The following MLIP variants were observed in gnomAD, a reference collection of about 807,000 sequenced individuals.
MLIP encodes muscular LMNA interacting protein.
MLIP carries 79 observed loss-of-function variants against 84.8 expected under a neutral mutation model. The ratio of observed to expected loss-of-function variants is 0.93; its 90% CI spans 0.78 to 1.12. MLIP has a LOEUF of 1.12. Among genes scored for constraint, MLIP ranks in the 50% most tolerant of loss-of-function variants. MLIP has a pLI of 0.00. For synonymous variants in MLIP, 504 were observed against 463.0 expected (o/e 1.09, Z -1.14); for missense variants, 1,257 against 1,160.6 (o/e 1.08, Z -1.21).
At chr6:54,166,422 T>G (rs984559029) in intron 8 of MLIP, among the ~76,000 whole-genome samples, 1 of 151,898 alleles carries the variant, frequency 6.6e-6, no homozygotes, top group Non-Finnish European at 1.5e-5. Context: ...AAACCCCTTT[T>G]TCCAAGGTTC....
intron 1 of MLIP, among the ~76,000 whole-genome samples, chr6:54,121,080 C>T (rs751204710): frequency 7.2e-5 from 11 of 152,084 alleles, no homozygotes; most frequent in Non-Finnish European, 1.3e-4. Flanking sequence ...AACCGGCTAA[C>T]CCAGGGTTAG....
intron 1 of MLIP, among the ~76,000 whole-genome samples, chr6:54,081,076 T>C (rs898702997): frequency 3.9e-5 from 6 of 152,150 alleles, no homozygotes; most frequent in African/African-American, 9.7e-5. Flanking sequence ...TTTTATTTTA[T>C]TGTTGTATTT....
intron 11 of MLIP, among the ~76,000 whole-genome samples, chr6:54,206,814 A>C (rs1305779768): frequency 6.6e-6 from 1 of 152,164 alleles, no homozygotes; most frequent in African/African-American, 2.4e-5. Context: ...CAGGATAAAT[A>C]CCTTTGTCGT....
At chr6:54,256,420 G>C (rs1254595186) in intron 12 of MLIP, among the ~76,000 whole-genome samples, 1 of 152,130 alleles carries the variant, frequency 6.6e-6, no homozygotes, top group African/African-American at 2.4e-5. Flanking sequence ...GAAAGTGAAA[G>C]GGGTCCAATC....
chr6:54,252,183 A>G lies in MLIP; in HGVS notation c.2923-5125A>G, dbSNP rs1452918083. Among the ~76,000 whole-genome samples, 10 of 109,084 alleles carry G rather than the reference A, an allele frequency of 9.2e-5. 1 individual carries two copies. Among genetic ancestry groups the G allele is most frequent in the African/African-American group, 3.5e-4 (9 of 26,036 alleles). The allele number at this position is 109,084 out of a possible 152,430, so 71.6% of individuals were successfully genotyped here. ...ATATATAACTATATTATAACATAATATATAACTATAATATATTATAACATA... is the reference window on the plus strand; with the variant it reads ...ATATATAACTATATTATAACATAATGTATAACTATAATATATTATAACATA... On this transcript the variant is annotated intron_variant, in intron 12 of 13. Coordinates refer to ENST00000502396, the MANE Select transcript of MLIP (RefSeq NM_001281747.2).
intron 1 of MLIP, among the ~76,000 whole-genome samples, chr6:54,101,778 A>G (rs977430960): frequency 2.6e-5 from 4 of 152,190 alleles, no homozygotes; most frequent in African/African-American, 9.6e-5. Context: ...CACTCATGCT[A>G]GTGACAATAT....
At chr6:54,060,410 C>A (rs918775690) in intron 1 of MLIP, among the ~76,000 whole-genome samples, 3 of 152,142 alleles carry the variant, frequency 2.0e-5, no homozygotes, top group South Asian at 2.1e-4. Flanking sequence ...TTCACTGTTA[C>A]AACCAGCATT....
intron 3 of MLIP, among the ~76,000 whole-genome samples, chr6:54,130,077 T>C (rs562857817): frequency 6.6e-6 from 1 of 152,248 alleles, no homozygotes; most frequent in South Asian, 2.1e-4. Flanking sequence ...TTACCTTTCA[T>C]AGTGAATGAG....
At chr6:54,132,038 G>A (rs1247448601) in intron 3 of MLIP, among the ~76,000 whole-genome samples, 7 of 152,128 alleles carry the variant, frequency 4.6e-5, no homozygotes, top group South Asian at 2.1e-4. Context: ...TTATGGCAAT[G>A]TTCTGCACGT....
intron 9 of MLIP, among the ~76,000 whole-genome samples, chr6:54,173,170 C>T (rs1216691713): frequency 6.6e-6 from 1 of 151,528 alleles, no homozygotes; most frequent in Non-Finnish European, 1.5e-5. Context: ...TTAAAATCTC[C>T]ATTATACAGA....
At chr6:54,101,926 T>A (rs1768681063) in intron 1 of MLIP, among the ~76,000 whole-genome samples, 1 of 152,160 alleles carries the variant, frequency 6.6e-6, no homozygotes, top group Non-Finnish European at 1.5e-5. Flanking sequence ...ATTTTGAGAA[T>A]GGATACTGGA....
intron 12 of MLIP, among the ~76,000 whole-genome samples, chr6:54,250,472 A>G (rs953878109): frequency 1.3e-5 from 2 of 152,132 alleles, no homozygotes; most frequent in African/African-American, 2.4e-5. Context: ...ATGCCCATCA[A>G]TGATAGACTG....
chr6:54,215,689 CA>C (rs1779809924), intron 11 of MLIP: 1 of 153,552 alleles, frequency 6.5e-6, no homozygotes, highest in Non-Finnish European at 1.4e-5. Context: ...TAACTGTAGT[CA>C]CCATGCTATA....
At chr6:54,171,087 A>T (rs1775727151) in intron 9 of MLIP, among the ~76,000 whole-genome samples, 1 of 151,572 alleles carries the variant, frequency 6.6e-6, no homozygotes, top group South Asian at 2.1e-4. Context: ...CAAAGGGTTG[A>T]TGTCATTATC....
intron 1 of MLIP, chr6:54,046,677 C>T (rs1340004153): frequency 6.6e-6 from 1 of 152,140 alleles, no homozygotes; most frequent in Admixed American, 6.5e-5. Flanking sequence ...TTGAGTTCTT[C>T]AAATACTATC....
Position 54,057,035 on chromosome 6 carries a change from A to G in MLIP, c.63+37944A>G, listed in dbSNP as rs186184634. Among the ~76,000 whole-genome samples the G allele has an allele frequency of 1.1e-3, 165 of 152,322 alleles. 3 individuals are homozygous for G. The highest frequency in any genetic ancestry group is 3.0e-3 in the African/African-American group (123 of 41,568). ...TATTGAATGCTTACCTTTGTCAGAC[A>G]TGTTCTAAGCATTTTATATGTATTC... is the stretch of plus-strand genomic sequence containing the variant. On this transcript the variant is annotated intron_variant, in intron 1 of 12. Coordinates refer to the MLIP transcript ENST00000274897.
intron 11 of MLIP, among the ~76,000 whole-genome samples, chr6:54,226,278 G>A (rs895935328): frequency 2.0e-5 from 3 of 152,196 alleles, no homozygotes; most frequent in Admixed American, 1.3e-4. Flanking sequence ...GAGCTCTTCT[G>A]AAAACAGGGG....
chr6:54,215,054 C>G (rs1779754403), intron 11 of MLIP: 5 of 916,744 alleles, frequency 5.5e-6, no homozygotes, highest in Non-Finnish European at 8.4e-6. Context: ...TATTCTGGAC[C>G]CTGGTCTCTG....
chr6:54,187,475 T>C (rs1246736005), intron 9 of MLIP, among the ~76,000 whole-genome samples: 1 of 152,156 alleles, frequency 6.6e-6, no homozygotes, highest in Non-Finnish European at 1.5e-5. Flanking sequence ...TAACGTGTTA[T>C]AGATATTATA....
Sources: allele counts gnomAD v4.1 joint callset (sites outside exome capture counted in the v4.1 genomes callset), GRCh38; gene constraint gnomAD v4.1.1; transcripts MANE v1.5; gene names NCBI Gene and HGNC (gene_info 2026-07-23, HGNC 2026-07-21).